Variants in TPD52 observed in about 807,000 individuals in gnomAD.
TPD52 encodes the protein tumor protein D52, also known as prostate and colon associated protein.
TPD52 carries 17 observed loss-of-function variants against 31.3 expected under a neutral mutation model. The ratio of observed to expected loss-of-function variants is 0.54; its 90% CI spans 0.37 to 0.82. The LOEUF is 0.82. TPD52 is among the 40% of genes least tolerant of loss of function. The probability of loss-of-function intolerance (pLI) is 0.00; values close to 1 mark genes in which losing one functional copy is unlikely to be tolerated. For missense variants in TPD52, 212 were observed against 240.1 expected (o/e 0.88, Z 0.77); for synonymous variants, 83 against 89.6 (o/e 0.93, Z 0.42).
At chr8:80,079,769 GT>G (rs1815023357) in intron 1 of TPD52, among the ~76,000 whole-genome samples, 1 of 151,894 alleles carries the variant, frequency 6.6e-6, no homozygotes, top group Non-Finnish European at 1.5e-5. Context: ...TCTCATACTG[GT>G]AAGTATGAAG....
At chr8:80,082,933 T>C (rs969326707) in intron 1 of TPD52, among the ~76,000 whole-genome samples, 3 of 152,246 alleles carry the variant, frequency 2.0e-5, no homozygotes, top group Admixed American at 6.5e-5. Context: ...CTTAGGACTT[T>C]TATGCAACAT....
At chr8:80,158,046 ACATT>A (rs1198562801) in intron 1 of TPD52, among the ~76,000 whole-genome samples, 2 of 152,194 alleles carry the variant, frequency 1.3e-5, no homozygotes, top group Admixed American at 1.3e-4. Context: ...ACTAAAAACG[ACATT>A]CAAATTTAAT....
At chr8:80,048,410 A>T (rs1484640079) in intron 5 of TPD52, among the ~76,000 whole-genome samples, 1 of 152,256 alleles carries the variant, frequency 6.6e-6, no homozygotes, top group African/African-American at 2.4e-5. Flanking sequence ...AATCACCGGC[A>T]TAAGTTTGCC....
intron 1 of TPD52, chr8:80,064,958 C>A: frequency 2.5e-6 from 1 of 407,290 alleles, no homozygotes; most frequent in South Asian, 1.8e-5. Context: ...AAGATTTTAG[C>A]TCCTTCCCAG....
At chr8:80,135,556 T>C (rs983955342) in intron 1 of TPD52, among the ~76,000 whole-genome samples, 2 of 152,026 alleles carry the variant, frequency 1.3e-5, no homozygotes, top group Non-Finnish European at 1.5e-5. Context: ...AGTTCAACCA[T>C]TGTGGAAATC....
intron 1 of TPD52, among the ~76,000 whole-genome samples, chr8:80,072,579 G>A (rs1353142304): frequency 2.0e-5 from 2 of 99,738 alleles, no homozygotes; most frequent in African/African-American, 3.7e-5. Context: ...AGATATGCGT[G>A]TATATACATG....
chr8:80,153,853 G>A (rs888961387), intron 1 of TPD52, among the ~76,000 whole-genome samples: 1 of 152,210 alleles, frequency 6.6e-6, no homozygotes, highest in South Asian at 2.1e-4. Flanking sequence ...GATGCTTGGC[G>A]GGAGCCAGGC....
At chr8:80,080,435 CCAT>C in intron 1 of TPD52, 3 of 1,614,148 alleles carry the variant, frequency 1.9e-6, no homozygotes, top group Non-Finnish European at 2.5e-6. Flanking sequence ...TCATATAAGT[CCAT>C]CTCTCTACAA....
At chr8:80,161,150 G>A (rs1304584415) in intron 1 of TPD52, among the ~76,000 whole-genome samples, 2 of 152,130 alleles carry the variant, frequency 1.3e-5, no homozygotes, top group African/African-American at 4.8e-5. Context: ...TATTTATTGA[G>A]CACTATATCC....
chr8:80,033,689 C>T (rs533252846), downstream of TPD52, among the ~76,000 whole-genome samples: 64 of 152,212 alleles, frequency 4.2e-4, no homozygotes, highest in African/African-American at 1.5e-3. Flanking sequence ...CATGGACAAC[C>T]GTAGGGTGAG....
intron 1 of TPD52, among the ~76,000 whole-genome samples, chr8:80,154,725 AC>A (rs1810812584): frequency 1.4e-5 from 2 of 145,914 alleles, no homozygotes; most frequent in African/African-American, 2.6e-5. Context: ...ACACACACAC[AC>A]ACACACACAC....
chr8:80,101,448 C>CAAAAAAAAAAAA (rs113660828), intron 1 of TPD52, among the ~76,000 whole-genome samples: 13 of 114,730 alleles, frequency 1.1e-4, no homozygotes, highest in African/African-American at 2.6e-4. Flanking sequence ...ACTCCCAGCT[C>CAAAAAAAAAAAA]AAAAAAAAAA....
At chr8:80,071,976 C>A (rs1223962531) in intron 1 of TPD52, among the ~76,000 whole-genome samples, 2 of 152,156 alleles carry the variant, frequency 1.3e-5, no homozygotes, top group Non-Finnish European at 2.9e-5. Context: ...CTATACCCTC[C>A]AACCTGCAGT....
At chr8:80,122,208 A>G (rs905902958) in intron 1 of TPD52, among the ~76,000 whole-genome samples, 1 of 152,202 alleles carries the variant, frequency 6.6e-6, no homozygotes, top group Non-Finnish European at 1.5e-5. Context: ...AACAAAACAG[A>G]AAGTAAGACA....
At chr8:80,096,440 C>T (rs1316576132) in intron 1 of TPD52, among the ~76,000 whole-genome samples, 2 of 152,004 alleles carry the variant, frequency 1.3e-5, no homozygotes, top group Non-Finnish European at 2.9e-5. Context: ...CATGTACAGG[C>T]ATACTCCTGT....
At chr8:80,167,387 T>C (rs187803737) in intron 1 of TPD52, among the ~76,000 whole-genome samples, 170 of 152,372 alleles carry the variant, frequency 1.1e-3, no homozygotes, top group South Asian at 7.0e-3. Flanking sequence ...TTGTTTTTAT[T>C]ACATGCATAC....
intron 7 of TPD52, 159 bp downstream of exon 7, chr8:80,042,461 T>C: frequency 1.0e-6 from 1 of 985,488 alleles, no homozygotes; most frequent in Non-Finnish European, 1.2e-6. Flanking sequence ...ATTAAGTACA[T>C]AACACCTTAA....
At chr8:80,044,016 G>A in intron 6 of TPD52, 151 bp downstream of exon 6, 1 of 613,368 alleles carries the variant, frequency 1.6e-6, no homozygotes, top group Non-Finnish European at 2.8e-6. Context: ...CAACATCAGA[G>A]GAAGTGTAGC....
chr8:80,153,000 T>G (rs567370672), intron 1 of TPD52, among the ~76,000 whole-genome samples: 1 of 152,276 alleles, frequency 6.6e-6, no homozygotes, highest in East Asian at 1.9e-4. Flanking sequence ...TTAGAATTGT[T>G]TCTGATAGCA....
Sources: allele counts gnomAD v4.1 joint callset (sites outside exome capture counted in the v4.1 genomes callset), GRCh38; gene constraint gnomAD v4.1.1; transcripts MANE v1.5; gene names NCBI Gene and HGNC (gene_info 2026-07-23, HGNC 2026-07-21).